Variants in FBXO38 observed in about 807,000 individuals in gnomAD.
FBXO38 encodes the protein F-box protein 38.
In FBXO38, 53 loss-of-function variants were observed where a neutral mutation model predicts 131.9. The ratio of observed to expected loss-of-function variants is 0.40; its 90% CI spans 0.32 to 0.51. FBXO38 has a LOEUF of 0.51. Ranked by LOEUF, FBXO38 falls within the 20% of genes least tolerant of loss-of-function variation. The probability of loss-of-function intolerance (pLI) is 0.53; values close to 1 mark genes in which losing one functional copy is unlikely to be tolerated. For synonymous variants in FBXO38, 452 were observed against 505.6 expected, an observed-to-expected ratio of 0.89 and a Z score of 1.42; for missense variants, 1,076 against 1,475.6, an observed-to-expected ratio of 0.73 and a Z score of 4.44.
chr5:148,407,752 G>A (rs1752520448), intron 7 of FBXO38, among the ~76,000 whole-genome samples: 1 of 151,984 alleles, frequency 6.6e-6, no homozygotes, highest in Non-Finnish European at 1.5e-5. Context: ...GTGAAACCCC[G>A]TCTCTACTTA....
At chr5:148,410,897 G>T in intron 9 of FBXO38, 132 bp downstream of exon 9, 1 of 751,672 alleles carries the variant, frequency 1.3e-6, no homozygotes, top group Non-Finnish European at 2.0e-6. Flanking sequence ...CTCACGTCTT[G>T]AAAAATAAAC....
At chr5:148,384,794 G>T (rs948299165) in intron 1 of FBXO38, 1 of 152,196 alleles carries the variant, frequency 6.6e-6, no homozygotes, top group African/African-American at 2.4e-5. Flanking sequence ...ACTTAGGAAG[G>T]TTCCTGTGCA....
chr5:148,439,564 T>C, intron 18 of FBXO38, 83 bp from the exon 19 acceptor site: 2 of 1,327,782 alleles, frequency 1.5e-6, no homozygotes, highest in South Asian at 1.3e-5. Context: ...TGAAGGTCCA[T>C]GGAAAGATTG....
intron 18 of FBXO38, among the ~76,000 whole-genome samples, chr5:148,438,957 TG>T (rs1415474841): frequency 6.6e-6 from 1 of 152,220 alleles, no homozygotes; most frequent in Non-Finnish European, 1.5e-5. Flanking sequence ...CTGTGCTTAA[TG>T]CCAAAAGAGG....
At chr5:148,406,743 C>T (rs1752465046) in intron 7 of FBXO38, among the ~76,000 whole-genome samples, 1 of 151,958 alleles carries the variant, frequency 6.6e-6, no homozygotes, top group African/African-American at 2.4e-5. Context: ...ACTTGTACAG[C>T]CGAGGCTTCC....
At chr5:148,419,680 T>G (rs1403247500) in intron 12 of FBXO38, among the ~76,000 whole-genome samples, 1 of 152,114 alleles carries the variant, frequency 6.6e-6, no homozygotes, top group African/African-American at 2.4e-5. Context: ...TTTTCAAGGA[T>G]GTAGTGAGTT....
intron 2 of FBXO38, among the ~76,000 whole-genome samples, chr5:148,396,659 C>T (rs1010241220): frequency 6.6e-6 from 1 of 152,116 alleles, no homozygotes; most frequent in East Asian, 1.9e-4. Flanking sequence ...ATTTTTGAGA[C>T]AGAGTCTCAC....
In FBXO38 at chr5:148,439,788, A is replaced by T; in HGVS notation, c.3166A>T (p.Asn1056Tyr). The T allele has an allele frequency of 6.2e-7, 1 of 1,613,878 alleles. No homozygotes were observed. Among genetic ancestry groups the T allele is most frequent in the Middle Eastern group, 1.7e-4 (1 of 6,058 alleles). The change falls in exon 19 of 22, where the codon AAT becomes TAT. Residue 1056 changes from asparagine to tyrosine, a missense_variant. This residue lies in a region of FBXO38 where 282 missense variants were observed against 418.8 expected (regional missense o/e 0.67). Transcript: ENST00000340253. ...CTGGATGGACACTATAGCAAACATC[A>T]ATCAGTAAGTAACTTTGTGGCCCTT... ...RSWMDTIANI[N>Y]QELIKYEFFP... is the part of the protein sequence containing the mutation.
rs889477496 is a variant in FBXO38, at chr5:148,409,153, C to G, written c.898C>G (p.Leu300Val). The part of the protein sequence containing the change: ...GGFRNLHTIV[L>V]GACKNALEVD... ...TTTTAGAAATTTGCACACTATTGTT[C>G]TGGGAGCTTGCAAAAATGCTCTTGA... The change falls in exon 8 of 22, where the codon CTG becomes GTG. Residue 300 changes from leucine to valine, a missense_variant. Coordinates refer to ENST00000340253, the MANE Select transcript of FBXO38 (RefSeq NM_205836.3). 5 of 1,613,056 alleles carry G rather than the reference C, an allele frequency of 3.1e-6. No individual in the cohort carries two copies. The highest frequency in any genetic ancestry group is 4.2e-6 in the Non-Finnish European group (5 of 1,179,192).
chr5:148,400,435 A>G (rs1401028669), intron 3 of FBXO38, among the ~76,000 whole-genome samples: 1 of 152,114 alleles, frequency 6.6e-6, no homozygotes, highest in African/African-American at 2.4e-5. Flanking sequence ...TAACATCACT[A>G]CCACTTACCA....
intron 18 of FBXO38, among the ~76,000 whole-genome samples, chr5:148,439,251 A>G (rs1754531402): frequency 6.6e-6 from 1 of 152,212 alleles, no homozygotes; most frequent in Non-Finnish European, 1.5e-5. Context: ...AAGAAAATGC[A>G]TTCTCTCTTA....
At chr5:148,404,386 A>G (rs761615882) in intron 5 of FBXO38, among the ~76,000 whole-genome samples, 1 of 152,174 alleles carries the variant, frequency 6.6e-6, no homozygotes, top group Non-Finnish European at 1.5e-5. Flanking sequence ...CGTATCCTAG[A>G]AGAGTTGTAA....
At chr5:148,439,070 G>A (rs1754519271) in intron 18 of FBXO38, among the ~76,000 whole-genome samples, 1 of 152,124 alleles carries the variant, frequency 6.6e-6, no homozygotes, top group African/African-American at 2.4e-5. Context: ...CTTAAAATAT[G>A]CTGGGTGCAA....
At chr5:148,409,783 T>C (rs1752645701) in intron 8 of FBXO38, among the ~76,000 whole-genome samples, 1 of 152,246 alleles carries the variant, frequency 6.6e-6, no homozygotes, top group African/African-American at 2.4e-5. Context: ...TAAAATTTAT[T>C]CAGAAACAAA....
chr5:148,401,431 G>A (rs552483981), intron 3 of FBXO38, among the ~76,000 whole-genome samples: 20 of 152,238 alleles, frequency 1.3e-4, no homozygotes, highest in Admixed American at 8.5e-4. Flanking sequence ...CTAAAATGGC[G>A]GGGGAGTAAT....
rs141470888 is a variant in FBXO38 at position 148,394,845 on chromosome 5, A to G, written c.69A>G (p.Ala23=). Residue 23 remains alanine, a synonymous_variant, in exon 2 of 22, where the codon GCA becomes GCG. Transcript: ENST00000340253. ...ATGAAATTCCAGAAGAAATGACAGCAGATGAAACAAAGGACTATATGAATC... is the reference window on the plus strand; with the variant it reads ...ATGAAATTCCAGAAGAAATGACAGCGGATGAAACAAAGGACTATATGAATC... ...MNNEIPEEMT[A]DETKDYMNQL... The G allele has an allele frequency of 8.7e-6, 14 of 1,603,974 alleles. No individual in the cohort carries two copies. Among genetic ancestry groups the G allele is most frequent in the African/African-American group, 1.3e-5 (1 of 74,480 alleles).
intron 1 of FBXO38, among the ~76,000 whole-genome samples, chr5:148,386,054 A>T (rs1256197392): frequency 6.6e-6 from 1 of 152,220 alleles, no homozygotes; most frequent in Non-Finnish European, 1.5e-5. Flanking sequence ...TCCTGTGGCT[A>T]AGGTCAGCTA....
chr5:148,415,845 G>A, intron 10 of FBXO38, 83 bp from the exon 11 acceptor site: 1 of 1,399,552 alleles, frequency 7.1e-7, no homozygotes, highest in African/African-American at 1.4e-5. Context: ...GGATTTGAAA[G>A]TCTTTGTGAC....
rs749888998 is a variant in FBXO38 at position 148,427,563 on chromosome 5, T to C, written c.2269T>C (p.Ser757Pro). Residue 757 changes from serine to proline, a missense_variant, in exon 15 of 22, where the codon TCA becomes CCA. Ser to Pro is a moderately conservative substitution (Grantham distance 74). Around this residue, in one of 8 missense-constraint regions of FBXO38, gnomAD observed 213 missense variants for 225.2 expected, o/e 0.95. Coordinates refer to ENST00000340253, the MANE Select transcript of FBXO38 (RefSeq NM_205836.3). ...SRQCACSPGG[S>P]EDSEAMEEGD... is the part of the protein sequence containing the mutation. The stretch of plus-strand genomic sequence containing the variant: ...GCAGTGTGCCTGCTCCCCCGGTGGG[T>C]CAGAGGACTCTGAGGCCATGGAGGA... 5.0e-6 allele frequency: 8 copies of C among 1,613,950 alleles called. No homozygotes were observed. Among genetic ancestry groups the C allele is most frequent in the Non-Finnish European group, 6.8e-6 (8 of 1,180,012 alleles).
Sources: allele counts gnomAD v4.1 joint callset (sites outside exome capture counted in the v4.1 genomes callset), GRCh38; gene constraint gnomAD v4.1.1; regional missense constraint gnomAD v4.1.1; transcripts MANE v1.5; gene names NCBI Gene and HGNC (gene_info 2026-07-23, HGNC 2026-07-21).